The following LSAMP variants were observed in gnomAD, a reference collection of about 807,000 sequenced individuals.
The protein encoded by LSAMP is limbic system associated membrane protein.
LSAMP carries 7 observed loss-of-function variants against 38.6 expected under a neutral mutation model. The ratio of observed to expected loss-of-function variants is 0.18; its 90% CI spans 0.10 to 0.34. LSAMP has a LOEUF of 0.34. Ranked by LOEUF, LSAMP falls within the 10% of genes least tolerant of loss-of-function variation. The pLI is 1.00. For synonymous variants in LSAMP, 154 were observed against 166.8 expected (o/e 0.92, Z 0.59); for missense variants, 313 against 420.0 (o/e 0.75, Z 2.23).
chr3:116,249,957 A>T (rs1431742528), intron 1 of LSAMP, among the ~76,000 whole-genome samples: 1 of 152,164 alleles, frequency 6.6e-6, no homozygotes. Context: ...TTTTCTTATG[A>T]CCTATAGGAT....
In LSAMP at chr3:115,804,280, T is replaced by C. The variant is rs1933580740; in HGVS notation, c.*6037A>G. On this transcript the variant is annotated 3_prime_UTR_variant, in exon 7 of 7. Coordinates refer to ENST00000490035, the MANE Select transcript of LSAMP (RefSeq NM_002338.5). ...AGTGCTGGGCACAGCACTAAGTGAA[T>C]ATTAAATTCTTATTCAGAATAAAGG... is the stretch of plus-strand genomic sequence containing the variant. 1 of 152,230 alleles carries C rather than the reference T, an allele frequency of 6.6e-6. No individual in the cohort carries two copies. Among genetic ancestry groups the C allele is most frequent in the Admixed American group, 6.5e-5 (1 of 15,276 alleles). The allele number at this position is 152,230 out of a possible 1,614,324, so 9.4% of individuals were successfully genotyped here. A position where few individuals can be genotyped will look rare whatever the true frequency, so the allele number is the denominator to read the frequency against.
rs73139198 is a variant in LSAMP at position 116,092,109 on chromosome 3, A to G, written c.156-5553T>C. On this transcript the variant is annotated intron_variant, in intron 1 of 6. Transcript: ENST00000490035. ...CCATGTGCATAAATACCATGTGCATAGTAGATACTTGCTGAAATGTGGAAT... is the reference window on the plus strand; with the variant it reads ...CCATGTGCATAAATACCATGTGCATGGTAGATACTTGCTGAAATGTGGAAT... 3.8e-3 allele frequency among the ~76,000 whole-genome samples: 579 copies of G among 152,342 alleles called. 3 individuals carry two copies. The highest frequency in any genetic ancestry group is 6.5e-3 in the Non-Finnish European group (444 of 68,034).
At chr3:115,830,689 T>G (rs1370932807) in intron 6 of LSAMP, among the ~76,000 whole-genome samples, 1 of 152,210 alleles carries the variant, frequency 6.6e-6, no homozygotes, top group African/African-American at 2.4e-5. Context: ...AAATAAGCTT[T>G]TTCTTTTTAA....
At chr3:116,223,433 A>T (rs982260663) in intron 1 of LSAMP, among the ~76,000 whole-genome samples, 3 of 152,210 alleles carry the variant, frequency 2.0e-5, no homozygotes, top group Non-Finnish European at 4.4e-5. Context: ...AATGTCCAAA[A>T]TTGGGAGATA....
At chr3:115,813,123 G>A (rs558798905) in intron 6 of LSAMP, among the ~76,000 whole-genome samples, 3 of 152,010 alleles carry the variant, frequency 2.0e-5, no homozygotes, top group South Asian at 4.1e-4. Context: ...TTATAATGAG[G>A]AATCTCAGTA....
At chr3:115,894,328 T>G (rs1359012208) in intron 3 of LSAMP, among the ~76,000 whole-genome samples, 2 of 152,030 alleles carry the variant, frequency 1.3e-5, no homozygotes, top group Non-Finnish European at 2.9e-5. Context: ...TTTTTGTCCC[T>G]ATTTACATGC....
chr3:115,930,927 T>G (rs1284105522), intron 3 of LSAMP, among the ~76,000 whole-genome samples: 4 of 152,182 alleles, frequency 2.6e-5, no homozygotes. Flanking sequence ...TATCACATTT[T>G]ATAAAAACAA....
At chr3:115,919,540 C>G (rs1364681802) in intron 3 of LSAMP, among the ~76,000 whole-genome samples, 2 of 152,088 alleles carry the variant, frequency 1.3e-5, no homozygotes, top group Non-Finnish European at 2.9e-5. Context: ...GAATGGGGGT[C>G]TGGGGTGTGA....
intron 1 of LSAMP, among the ~76,000 whole-genome samples, chr3:116,263,638 A>G (rs2046857427): frequency 6.6e-6 from 1 of 150,696 alleles, no homozygotes; most frequent in Admixed American, 6.6e-5. Context: ...CCTATAAAGC[A>G]CATATCAAAA....
chr3:116,284,366 T>C (rs547352408), intron 1 of LSAMP, among the ~76,000 whole-genome samples: 1 of 152,358 alleles, frequency 6.6e-6, no homozygotes, highest in African/African-American at 2.4e-5. Context: ...AGTATAGTTT[T>C]GTGATTCTTT....
intron 1 of LSAMP, among the ~76,000 whole-genome samples, chr3:116,105,293 G>A (rs1030324643): frequency 2.0e-5 from 3 of 152,146 alleles, no homozygotes; most frequent in Admixed American, 6.5e-5. Context: ...TGATGTGAGA[G>A]GACTAACTGC....
intron 3 of LSAMP, among the ~76,000 whole-genome samples, chr3:115,888,831 A>T (rs751206095): frequency 1.3e-5 from 2 of 151,984 alleles, no homozygotes; most frequent in African/African-American, 2.4e-5. Flanking sequence ...ACTATGTGGC[A>T]AATTTGGCTG....
intron 2 of LSAMP, among the ~76,000 whole-genome samples, chr3:116,045,753 C>A (rs1941276600): frequency 6.6e-6 from 1 of 152,026 alleles, no homozygotes; most frequent in South Asian, 2.1e-4. Context: ...ATATAACAGG[C>A]CTTGTTTTAA....
intron 3 of LSAMP, among the ~76,000 whole-genome samples, chr3:116,012,598 G>T (rs143902701): frequency 3.9e-5 from 6 of 152,088 alleles, no homozygotes; most frequent in African/African-American, 1.2e-4. Flanking sequence ...GACCTTAAGC[G>T]GGTACATTGG....
At chr3:115,944,742 T>C (rs886475554) in intron 3 of LSAMP, among the ~76,000 whole-genome samples, 3 of 152,166 alleles carry the variant, frequency 2.0e-5, no homozygotes, top group Admixed American at 2.0e-4. Context: ...CTGTTCAAGG[T>C]CACATATCTT....
intron 3 of LSAMP, among the ~76,000 whole-genome samples, chr3:115,932,687 T>G (rs1937599514): frequency 6.6e-6 from 1 of 152,244 alleles, no homozygotes; most frequent in African/African-American, 2.4e-5. Flanking sequence ...ATGGTTCTCT[T>G]GACTATCTCT....
chr3:116,356,390 G>A (rs1168074047), intron 1 of LSAMP, among the ~76,000 whole-genome samples: 9 of 152,288 alleles, frequency 5.9e-5, no homozygotes, highest in African/African-American at 1.2e-4. Context: ...TTGAACTCAC[G>A]GAGATAGAGA....
chr3:116,387,534 A>G (rs772272658), intron 1 of LSAMP, among the ~76,000 whole-genome samples: 7 of 152,140 alleles, frequency 4.6e-5, no homozygotes, highest in Non-Finnish European at 8.8e-5. Flanking sequence ...TAACAAACAA[A>G]AACTAACAAA....
intron 2 of LSAMP, among the ~76,000 whole-genome samples, chr3:116,055,232 A>T (rs936837653): frequency 6.6e-6 from 1 of 152,178 alleles, no homozygotes; most frequent in Non-Finnish European, 1.5e-5. Context: ...TTCAAAACTG[A>T]TGGTGGTTAC....
Sources: allele counts gnomAD v4.1 joint callset (sites outside exome capture counted in the v4.1 genomes callset), GRCh38; gene constraint gnomAD v4.1.1; transcripts MANE v1.5; gene names NCBI Gene and HGNC (gene_info 2026-07-23, HGNC 2026-07-21).